SDK2: variants seen among roughly 807,000 people sequenced by gnomAD.
The protein encoded by SDK2 is protein sidekick-2.
SDK2 carries 105 observed loss-of-function variants against 253.9 expected under a neutral mutation model. The observed-to-expected ratio is 0.41, with a 90% CI of 0.35 to 0.49. The LOEUF (loss-of-function observed/expected upper bound fraction) is 0.49, where lower values mean the gene tolerates loss of function less well. Among genes scored for constraint, SDK2 ranks in the 20% least tolerant of loss-of-function variants. SDK2 has a pLI of 0.06. For synonymous variants in SDK2, 1,249 were observed against 1,234.9 expected (o/e 1.01, Z -0.24); for missense variants, 2,608 against 3,003.0 (o/e 0.87, Z 3.07).
intron 38 of SDK2, among the ~76,000 whole-genome samples, chr17:73,362,470 A>G (rs2145423888): frequency 6.6e-6 from 1 of 150,950 alleles, no homozygotes; most frequent in East Asian, 2.0e-4. Context: ...GGCTCACTGT[A>G]GCCTCGACCT....
intron 1 of SDK2, among the ~76,000 whole-genome samples, chr17:73,530,100 C>G (rs1479151766): frequency 1.3e-5 from 2 of 152,194 alleles, no homozygotes; most frequent in African/African-American, 4.8e-5. Flanking sequence ...GGACAGCTAG[C>G]TTCTTTATGC....
intron 1 of SDK2, among the ~76,000 whole-genome samples, chr17:73,621,912 T>A (rs1298112932): frequency 6.6e-6 from 1 of 152,204 alleles, no homozygotes; most frequent in African/African-American, 2.4e-5. Context: ...AAGACATGTA[T>A]TTACAGATTC....
At chr17:73,354,948 G>A (rs1044255198) in intron 40 of SDK2, among the ~76,000 whole-genome samples, 4 of 151,534 alleles carry the variant, frequency 2.6e-5, no homozygotes, top group South Asian at 2.1e-4. Flanking sequence ...GAGGCGCCTC[G>A]ACACCCTGGC....
chr17:73,393,743 A>G lies in SDK2; in HGVS notation c.3715T>C (p.Tyr1239His), dbSNP rs1254439033. 3 of 1,569,862 alleles carry G rather than the reference A, an allele frequency of 1.9e-6. No homozygotes were observed. Among genetic ancestry groups the G allele is most frequent in the Non-Finnish European group, 1.7e-6 (2 of 1,148,932 alleles). ...TGGGTGTCCGAGTCCTTCTCCTTAT[A>G]CATCACCTGTCAGGGCCCAGCACAG... The part of the protein sequence containing the change: ...NGLVLGYKVM[Y>H]KEKDSDTQPR... Residue 1239 changes from tyrosine (Y) to histidine (H), a missense_variant, in exon 27 of 45, where the codon TAT becomes CAT. Coordinates refer to ENST00000392650, the MANE Select transcript of SDK2 (RefSeq NM_001144952.2).
At chr17:73,354,088 CT>C (rs1366456256) in intron 40 of SDK2, among the ~76,000 whole-genome samples, 1 of 152,136 alleles carries the variant, frequency 6.6e-6, no homozygotes, top group African/African-American at 2.4e-5. Flanking sequence ...GTTGCCAAGG[CT>C]AGAGTGCAGT....
intron 1 of SDK2, among the ~76,000 whole-genome samples, chr17:73,631,412 C>T (rs1368990413): frequency 6.6e-6 from 1 of 152,180 alleles, no homozygotes; most frequent in African/African-American, 2.4e-5. Context: ...TGGGGTTGAC[C>T]GAGCAATCAG....
Position 73,352,198 on chromosome 17 carries a change from A to T in SDK2, c.5758+275T>A, listed in dbSNP as rs1256879233. 6.6e-6 allele frequency among the ~76,000 whole-genome samples: 1 copy of T among 152,096 alleles called. No individual in the cohort carries two copies. The highest frequency in any genetic ancestry group is 1.5e-5 in the Non-Finnish European group (1 of 68,004). On this transcript the variant is annotated intron_variant, in intron 41 of 44. Transcript: ENST00000392650. The surrounding 1 kb of genome is among the most constrained non-coding windows in gnomAD (Gnocchi z 4.1). ...GGGTGATGAGTGCATGGAAGTTTGCATCTTGGGCCCTCTGCTCTGCCCCTA... is the reference window on the plus strand; with the variant it reads ...GGGTGATGAGTGCATGGAAGTTTGCTTCTTGGGCCCTCTGCTCTGCCCCTA...
chr17:73,590,960 C>T (rs1234428215), intron 1 of SDK2, among the ~76,000 whole-genome samples: 1 of 152,184 alleles, frequency 6.6e-6, no homozygotes, highest in African/African-American at 2.4e-5. Context: ...GCTCTTGTTG[C>T]CCAGGCTGGG....
Position 73,433,812 on chromosome 17 carries a change from C to A in SDK2, c.1232G>T (p.Ser411Ile). Residue 411 changes from serine to isoleucine, a missense_variant, in exon 10 of 45, where the codon AGC (serine) becomes ATC (isoleucine). By Grantham distance (142) the Ser-to-Ile change is moderately radical. Transcript: ENST00000392650. ...CACTGACATGCCATCGATCACCGTG[C>A]TGTCCAGGGGGCCTCTGGTGATGTT... ...APNITRGPLD[S>I]TVIDGMSVVL... The A allele has an allele frequency of 6.3e-7, 1 of 1,597,750 alleles. No individual in the cohort carries two copies. The highest frequency in any genetic ancestry group is 1.7e-5 in the Admixed American group (1 of 58,532).
At chr17:73,607,462 T>G (rs2045921905) in intron 1 of SDK2, among the ~76,000 whole-genome samples, 1 of 151,980 alleles carries the variant, frequency 6.6e-6, no homozygotes, top group Admixed American at 6.6e-5. Flanking sequence ...GGGGGACCCT[T>G]AAGACAAAGA....
Position 73,383,579 on chromosome 17 carries a change from T to C in SDK2, c.4705+297A>G, listed in dbSNP as rs1274928602. On this transcript the variant is annotated intron_variant, in intron 33 of 44. Coordinates refer to ENST00000392650, the MANE Select transcript of SDK2 (RefSeq NM_001144952.2). The surrounding 1 kb of genome is among the most constrained non-coding windows in gnomAD (Gnocchi z 4.3). Reference sequence around the variant, plus strand: ...GCCTGTCCCTGGCTTTAGGTCCTCCTAGAATGTTTCCTTCCCAGCTCGCCT... The same window carrying C: ...GCCTGTCCCTGGCTTTAGGTCCTCCCAGAATGTTTCCTTCCCAGCTCGCCT... 6.6e-6 allele frequency among the ~76,000 whole-genome samples: 1 copy of C among 152,162 alleles called. No homozygotes were observed. Among genetic ancestry groups the C allele is most frequent in the Non-Finnish European group, 1.5e-5 (1 of 68,008 alleles).
chr17:73,386,104 G>A (rs1371770304), intron 31 of SDK2, among the ~76,000 whole-genome samples, 187 bp from the exon 32 acceptor site: 1 of 152,184 alleles, frequency 6.6e-6, no homozygotes, highest in African/African-American at 2.4e-5. Context: ...GAGGGACTGT[G>A]AGCTGACTCA....
rs2063327696 is a variant in SDK2, at chr17:73,431,718, C to A, written c.1313-49G>T. 1 of 1,513,560 alleles carries A rather than the reference C, an allele frequency of 6.6e-7. No homozygotes were observed. Among genetic ancestry groups the A allele is most frequent in the Non-Finnish European group, 8.8e-7 (1 of 1,130,346 alleles). The allele number at this position is 1,513,560 out of a possible 1,614,324, so 93.8% of individuals were successfully genotyped here. On this transcript the variant is annotated intron_variant, in intron 10 of 44. Transcript: ENST00000392650. This position sits in a 1 kb window ranked among gnomAD's most constrained non-coding sequence, Gnocchi z 5.6. ...TCAGCCTGTAGCCCCCAAGGGCACACCCTGCCCTTCCCTGGCCGCTCCAGG... is the reference window on the plus strand; with the variant it reads ...TCAGCCTGTAGCCCCCAAGGGCACAACCTGCCCTTCCCTGGCCGCTCCAGG...
chr17:73,568,865 C>T (rs1475878704), intron 1 of SDK2, among the ~76,000 whole-genome samples: 1 of 152,186 alleles, frequency 6.6e-6, no homozygotes, highest in African/African-American at 2.4e-5. Context: ...CAGGGCCCAC[C>T]TCTCTGCAGG....
At chr17:73,553,037 G>A (rs1043618563) in intron 1 of SDK2, among the ~76,000 whole-genome samples, 6 of 152,226 alleles carry the variant, frequency 3.9e-5, no homozygotes, top group African/African-American at 1.2e-4. Flanking sequence ...TAGGGCAGAC[G>A]GCTGCAGCGT....
At chr17:73,551,360 C>G (rs899211921) in intron 1 of SDK2, among the ~76,000 whole-genome samples, 1 of 152,166 alleles carries the variant, frequency 6.6e-6, no homozygotes, top group Non-Finnish European at 1.5e-5. Context: ...AGACAAAGAA[C>G]AGAAACGCGG....
intron 1 of SDK2, among the ~76,000 whole-genome samples, chr17:73,509,638 A>AAG (rs151112706): frequency 0.066 from 9,989 of 150,606 alleles, 611 homozygotes; most frequent in African/African-American, 0.16. Context: ...AAAAAAAAAA[A>AAG]AAAAAAAGAA....
At chr17:73,490,945 G>A (rs376411418) in intron 2 of SDK2, among the ~76,000 whole-genome samples, 1 of 152,074 alleles carries the variant, frequency 6.6e-6, no homozygotes, top group Non-Finnish European at 1.5e-5. Context: ...GGAAACCAAG[G>A]AACAAAGATG....
intron 1 of SDK2, among the ~76,000 whole-genome samples, chr17:73,548,996 T>G (rs937100711): frequency 2.6e-5 from 4 of 152,208 alleles, no homozygotes; most frequent in Admixed American, 2.6e-4. Flanking sequence ...CAACCCCGGC[T>G]GCCTCCTGAA....
Sources: allele counts gnomAD v4.1 joint callset (sites outside exome capture counted in the v4.1 genomes callset), GRCh38; gene constraint gnomAD v4.1.1; non-coding constraint Gnocchi (gnomAD v3.1); transcripts MANE v1.5; gene names NCBI Gene and HGNC (gene_info 2026-07-23, HGNC 2026-07-21).